The following RMI1 variants were observed in gnomAD, a reference collection of about 807,000 sequenced individuals.
RMI1 encodes the protein recQ-mediated genome instability protein 1.
In RMI1, 36 loss-of-function variants were observed where a neutral mutation model predicts 46.7. The observed-to-expected ratio is 0.77, with a 90% CI of 0.59 to 1.02. The LOEUF (loss-of-function observed/expected upper bound fraction) is 1.02. RMI1 is among the 50% of genes least tolerant of loss of function. The pLI, the probability that RMI1 is intolerant of heterozygous loss-of-function variation, is 0.00. For missense variants in RMI1, 676 were observed against 713.7 expected (o/e 0.95, Z 0.60); for synonymous variants, 250 against 252.9 (o/e 0.99, Z 0.11).
chr9:83,998,245 T>A (rs984943208), intron 1 of RMI1, among the ~76,000 whole-genome samples: 4 of 152,232 alleles, frequency 2.6e-5, no homozygotes, highest in African/African-American at 7.2e-5. Context: ...TTACATTGTT[T>A]TTTACATATA....
chr9:83,992,878 C>A (rs549315306), intron 1 of RMI1: 4 of 151,980 alleles, frequency 2.6e-5, no homozygotes, highest in African/African-American at 9.6e-5. Flanking sequence ...TTTCTCTCTT[C>A]CATCTTTTTC....
In RMI1 at chr9:83,999,649, AGT is replaced by A. The variant is rs1957710032; in HGVS notation, c.-125-59_-125-58del. 2.0e-5 allele frequency: 3 copies of A among 152,314 alleles called. No individual in the cohort carries two copies. The East Asian group carries it at 5.8e-4, about 29-fold the overall frequency. The allele number at this position is 152,314 out of a possible 1,614,324, so 9.4% of individuals were successfully genotyped here. On this transcript the variant is annotated intron_variant, in intron 1 of 2. Transcript: ENST00000445877. ...ATCAAACTCTTGCACTTAAGAAAAT[AGT>A]CCTGTCTTTCTACAACTTCATCTTA...
intron 1 of RMI1, among the ~76,000 whole-genome samples, chr9:83,987,429 T>G (rs1170315299): frequency 6.6e-6 from 1 of 152,242 alleles, no homozygotes; most frequent in African/African-American, 2.4e-5. Flanking sequence ...CTTTATATTT[T>G]CCTCAGCTAG....
Position 83,990,441 on chromosome 9 carries a change from C to T in RMI1, c.-125-9268C>T, listed in dbSNP as rs144209956. 1.0e-3 allele frequency among the ~76,000 whole-genome samples: 156 copies of T among 150,206 alleles called. 2 individuals carry two copies. The East Asian group carries it at 0.025, about 24-fold the overall frequency. ...AGGAGAATCGCTTGAAGTCAGGAGG[C>T]GGAGGTTGCCGTGAGTCGAGATAGC... is the stretch of plus-strand genomic sequence containing the variant. On this transcript the variant is annotated intron_variant, in intron 1 of 2. Coordinates refer to ENST00000445877, the MANE Select transcript of RMI1 (RefSeq NM_001358291.2).
chr9:83,984,358 T>G (rs1172903661), intron 1 of RMI1, among the ~76,000 whole-genome samples: 2 of 144,948 alleles, frequency 1.4e-5, no homozygotes, highest in Non-Finnish European at 1.5e-5. Flanking sequence ...CAACCTCTGC[T>G]TCCTGGGTTC....
chr9:84,003,058 T>TTC lies in RMI1; in HGVS notation c.*195_*196insCT. 2.2e-6 allele frequency: 1 copy of TTC among 460,994 alleles called. No individual in the cohort carries two copies. 28.6% of individuals were successfully genotyped at this position (460,994 alleles called of 1,614,324 possible). ...AAAATAAGTTAATCTTTTTTTTTTT[T>TTC]TTTTTAATGTCAGGGTATTGCTCTG... On this transcript the variant is annotated 3_prime_UTR_variant, in exon 3 of 3. Transcript: ENST00000445877.
chr9:83,997,650 T>A (rs12001293), intron 1 of RMI1, among the ~76,000 whole-genome samples: 15,925 of 151,954 alleles, frequency 0.1, 1,033 homozygotes, highest in Non-Finnish European at 0.14. Flanking sequence ...GAGCACTTAC[T>A]ATCATGAGAG....
At chr9:83,998,449 A>G (rs1957691333) in intron 1 of RMI1, among the ~76,000 whole-genome samples, 1 of 152,188 alleles carries the variant, frequency 6.6e-6, no homozygotes, top group Non-Finnish European at 1.5e-5. Context: ...AAAAATTTTT[A>G]ATGGTAGCAA....
chr9:83,997,592 T>G (rs145164286), intron 1 of RMI1, among the ~76,000 whole-genome samples: 2,834 of 151,870 alleles, frequency 0.019, 41 homozygotes, highest in Middle Eastern at 0.051. Context: ...CATAGGGGCT[T>G]CTTCTCCTCG....
Position 83,999,196 on chromosome 9 carries a change from AAT to A in RMI1, c.-125-511_-125-510del, listed in dbSNP as rs1491017469. Among the ~76,000 whole-genome samples, 8 of 151,194 alleles carry A rather than the reference AAT, an allele frequency of 5.3e-5. No homozygotes were observed. The East Asian group carries it at 1.6e-3, about 29-fold the overall frequency. The stretch of plus-strand genomic sequence containing the variant: ...AATAGAATAAAATAAAATAAAAAAA[AAT>A]AAAATAACAATAAGTATAGTTTTTG... On this transcript the variant is annotated intron_variant, in intron 1 of 2. Coordinates refer to ENST00000445877, the MANE Select transcript of RMI1 (RefSeq NM_001358291.2).
Position 84,002,117 on chromosome 9 carries a change from T to C in RMI1, c.1131T>C (p.Asn377=). The C allele has an allele frequency of 6.2e-7, 1 of 1,613,826 alleles. No homozygotes were observed. The highest frequency in any genetic ancestry group is 8.5e-7 in the Non-Finnish European group (1 of 1,179,896). The stretch of plus-strand genomic sequence containing the variant: ...GAAACAATAATTGGAGTGAAAAAAA[T>C]GTATCTGAACAAATGACTAATGAAG... ...KNGNNNWSEK[N]VSEQMTNEDK... The change falls in exon 3 of 3, where the codon AAT becomes AAC. Residue 377 remains asparagine (N), a synonymous_variant. Coordinates refer to ENST00000445877, the MANE Select transcript of RMI1 (RefSeq NM_001358291.2).
upstream of RMI1, chr9:83,980,737 A>C (rs777327218): frequency 1.3e-5 from 2 of 152,270 alleles, no homozygotes; most frequent in South Asian, 2.1e-4. Context: ...CCAGCCCCGA[A>C]GGAGTCCTTT....
At position 84,003,625 on chromosome 9, in the gene RMI1, G is replaced by T. The variant is rs1957770560; in HGVS notation, c.*761G>T. 1 of 166,128 alleles carries T rather than the reference G, an allele frequency of 6.0e-6. No individual in the cohort carries two copies. The highest frequency in any genetic ancestry group is 1.5e-5 in the Non-Finnish European group (1 of 68,084). 10.3% of individuals were successfully genotyped at this position (166,128 alleles called of 1,614,324 possible). A position where few individuals can be genotyped will look rare whatever the true frequency, so the allele number is the denominator to read the frequency against. ...AAAATCCAGTAGATCAGAACATCAG[G>T]CTTTCAGATACAAATTGATTTACTG... On this transcript the variant is annotated 3_prime_UTR_variant, in exon 3 of 3. Transcript: ENST00000445877.
chr9:83,988,449 A>G (rs1392301537), intron 1 of RMI1, among the ~76,000 whole-genome samples: 1 of 152,124 alleles, frequency 6.6e-6, no homozygotes, highest in African/African-American at 2.4e-5. Flanking sequence ...GACTACAGGC[A>G]TGCACCACAA....
In RMI1 at chr9:84,001,783, A is replaced by G; in HGVS notation, c.797A>G (p.Glu266Gly). Residue 266 changes from glutamate to glycine, a missense_variant, in exon 3 of 3, where the codon GAA becomes GGA. Coordinates refer to ENST00000445877, the MANE Select transcript of RMI1 (RefSeq NM_001358291.2). ...ACAGCAAATAATGACACTTCCTCAG[A>G]ACGATGTTTCACCACAGGTAGTTCC... ...ELTANNDTSS[E>G]RCFTTGSSSN... The G allele has an allele frequency of 6.2e-7, 1 of 1,614,082 alleles. No individual in the cohort carries two copies. The highest frequency in any genetic ancestry group is 8.5e-7 in the Non-Finnish European group (1 of 1,179,970).
upstream of RMI1, chr9:83,980,706 G>C (rs1957355556): frequency 1.3e-5 from 2 of 152,316 alleles, no homozygotes; most frequent in South Asian, 2.1e-4. Flanking sequence ...GCACAGGGAG[G>C]GGGCGGGGAA....
intron 2 of RMI1, 87 bp from the exon 3 acceptor site, chr9:84,000,864 G>A: frequency 3.0e-6 from 2 of 670,418 alleles, no homozygotes; most frequent in Non-Finnish European, 5.0e-6. Flanking sequence ...AATCTAAAGG[G>A]TGTGCCTGTC....
intron 1 of RMI1, chr9:83,993,163 C>A (rs897326464): frequency 6.6e-6 from 1 of 152,190 alleles, no homozygotes; most frequent in African/African-American, 2.4e-5. Context: ...TTTCTCCCTC[C>A]CCACAACACT....
intron 1 of RMI1, among the ~76,000 whole-genome samples, chr9:83,990,296 G>A (rs1354940227): frequency 6.6e-6 from 1 of 152,206 alleles, no homozygotes; most frequent in South Asian, 2.1e-4. Context: ...GGCGGATCAC[G>A]AGGTCAGGAG....
Sources: gnomAD v4.1 joint callset for allele counts (sites outside exome capture counted in the v4.1 genomes callset) on GRCh38, gnomAD v4.1.1 for gene constraint, MANE v1.5 for transcripts, NCBI Gene and HGNC (gene_info 2026-07-23, HGNC 2026-07-21) for gene names.